The following TMEM245 variants were observed in gnomAD, a reference collection of about 807,000 sequenced individuals.
TMEM245 encodes protein CG-2.
A neutral mutation model predicts 101.2 loss-of-function variants in TMEM245; 69 were observed. The observed-to-expected ratio is 0.68, with a 90% confidence interval of 0.56 to 0.83. The LOEUF is 0.83. Ranked by LOEUF, TMEM245 falls within the 40% of genes least tolerant of loss-of-function variation. The pLI is 0.00. For missense variants in TMEM245, 1,075 were observed against 1,092.8 expected (o/e 0.98, Z 0.23); for synonymous variants, 537 against 449.8 (o/e 1.19, Z -2.45).
intron 9 of TMEM245, among the ~76,000 whole-genome samples, chr9:109,067,137 T>C (rs1355646610): frequency 1.3e-5 from 2 of 151,788 alleles, no homozygotes; most frequent in African/African-American, 2.4e-5. Flanking sequence ...CTATTGGGCC[T>C]GGGAAAACGT....
intron 9 of TMEM245, among the ~76,000 whole-genome samples, chr9:109,067,172 T>C (rs1330203821): frequency 6.6e-6 from 1 of 152,150 alleles, no homozygotes. Context: ...TGAAAACACT[T>C]TCCCAATGTA....
intron 1 of TMEM245, among the ~76,000 whole-genome samples, chr9:109,109,283 A>G (rs893545938): frequency 6.6e-6 from 1 of 152,184 alleles, no homozygotes; most frequent in African/African-American, 2.4e-5. Context: ...AGACGCATCA[A>G]AAGAAACCAG....
intron 3 of TMEM245, among the ~76,000 whole-genome samples, chr9:109,096,468 T>G (rs1830143812): frequency 6.6e-6 from 1 of 152,082 alleles, no homozygotes; most frequent in South Asian, 2.1e-4. Flanking sequence ...TAAGCCAAGA[T>G]CACACCACTG....
At chr9:109,090,234 C>T (rs1192076702) in intron 5 of TMEM245, among the ~76,000 whole-genome samples, 2 of 151,966 alleles carry the variant, frequency 1.3e-5, no homozygotes, top group Admixed American at 6.6e-5. Flanking sequence ...GCAATCCAGC[C>T]TGGGTGACAG....
intron 1 of TMEM245, among the ~76,000 whole-genome samples, chr9:109,111,019 C>A (rs984562657): frequency 6.6e-6 from 1 of 151,698 alleles, no homozygotes; most frequent in Non-Finnish European, 1.5e-5. Context: ...AAAATTCAGC[C>A]TGGGAAAGGA....
At chr9:109,056,410 C>A (rs1276775092) in intron 12 of TMEM245, among the ~76,000 whole-genome samples, 1 of 105,902 alleles carries the variant, frequency 9.4e-6, no homozygotes. Context: ...CTTGGGCCAA[C>A]ATGGAGAAAC....
chr9:109,032,589 T>A (rs1185612979), intron 17 of TMEM245, among the ~76,000 whole-genome samples: 11 of 150,762 alleles, frequency 7.3e-5, no homozygotes, highest in African/African-American at 2.7e-4. Flanking sequence ...GGTTTTACCA[T>A]GTTGGCCAGG....
At chr9:109,029,205 TA>T in intron 17 of TMEM245, among the ~76,000 whole-genome samples, 1 of 152,086 alleles carries the variant, frequency 6.6e-6, no homozygotes, top group Non-Finnish European at 1.5e-5. Context: ...AGAAAGGATG[TA>T]AAATGTGAAA....
At chr9:109,077,848 T>C (rs1564194482) in intron 8 of TMEM245, among the ~76,000 whole-genome samples, 1 of 152,204 alleles carries the variant, frequency 6.6e-6, no homozygotes, top group Non-Finnish European at 1.5e-5. Context: ...AAGTTGGAAC[T>C]TGCTTTTTAT....
At chr9:109,045,217 C>T (rs946342198) in intron 14 of TMEM245, among the ~76,000 whole-genome samples, 11 of 152,156 alleles carry the variant, frequency 7.2e-5, no homozygotes, top group African/African-American at 2.2e-4. Flanking sequence ...TCTCTACCCA[C>T]CCCTTCCCAG....
intron 14 of TMEM245, among the ~76,000 whole-genome samples, chr9:109,049,549 G>A (rs1270270568): frequency 7.9e-5 from 12 of 152,006 alleles, no homozygotes; most frequent in Admixed American, 6.6e-4. Flanking sequence ...GGTCTTGGCC[G>A]GGCATGGTGG....
At chr9:109,022,461 T>C (rs1270429118) in intron 17 of TMEM245, among the ~76,000 whole-genome samples, 6 of 105,458 alleles carry the variant, frequency 5.7e-5, no homozygotes, top group Non-Finnish European at 1.2e-4. Flanking sequence ...TGTATGTTTA[T>C]ATGCATTATC....
At chr9:109,098,880 C>CA (rs1391071433) in intron 3 of TMEM245, among the ~76,000 whole-genome samples, 1 of 152,186 alleles carries the variant, frequency 6.6e-6, no homozygotes. Flanking sequence ...GGCAGAAACT[C>CA]AGAGTCCGGC....
At chr9:109,089,981 C>T (rs1237225308) in intron 5 of TMEM245, among the ~76,000 whole-genome samples, 1 of 152,198 alleles carries the variant, frequency 6.6e-6, no homozygotes, top group Non-Finnish European at 1.5e-5. Flanking sequence ...TCAATCTCAG[C>T]TAGGCGCAGT....
chr9:109,108,667 C>A, intron 1 of TMEM245, 97 bp from the exon 2 acceptor site: 2 of 780,528 alleles, frequency 2.6e-6, no homozygotes, highest in South Asian at 2.6e-5. Context: ...CAGGAATGCT[C>A]TGGACATAGC....
chr9:109,043,328 C>T (rs1828374587), intron 14 of TMEM245, among the ~76,000 whole-genome samples: 1 of 152,180 alleles, frequency 6.6e-6, no homozygotes, highest in African/African-American at 2.4e-5. Flanking sequence ...ATGACTTGTG[C>T]TGTGTGATCC....
chr9:109,026,411 T>G (rs536441909), intron 17 of TMEM245, among the ~76,000 whole-genome samples: 1 of 151,924 alleles, frequency 6.6e-6, no homozygotes, highest in East Asian at 1.9e-4. Flanking sequence ...GAGATCTGAA[T>G]AGTTAGGAGT....
At chr9:109,083,910 A>ACAAAAAC (rs1564197242) in intron 7 of TMEM245, among the ~76,000 whole-genome samples, 4 of 111,566 alleles carry the variant, frequency 3.6e-5, no homozygotes, top group Admixed American at 2.6e-4. Flanking sequence ...ACAAAAAAAA[A>ACAAAAAC]AAAAAAAAAA....
intron 16 of TMEM245, among the ~76,000 whole-genome samples, chr9:109,033,964 T>C (rs958806976): frequency 4.6e-5 from 7 of 152,236 alleles, no homozygotes; most frequent in Non-Finnish European, 8.8e-5. Flanking sequence ...GTCAGACTTT[T>C]GGCAACCTCC....
Sources: gnomAD v4.1 joint callset for allele counts (sites outside exome capture counted in the v4.1 genomes callset) on GRCh38, gnomAD v4.1.1 for gene constraint, MANE v1.5 for transcripts, NCBI Gene and HGNC (gene_info 2026-07-23, HGNC 2026-07-21) for gene names.